The following CSMD1 variants were observed in gnomAD, a reference collection of about 807,000 sequenced individuals.
CSMD1 encodes CUB and Sushi multiple domains 1.
In CSMD1, 213 loss-of-function variants were observed where a neutral mutation model predicts 417.5. That is an observed-to-expected ratio of 0.51 (90% CI 0.46 to 0.57). The LOEUF (loss-of-function observed/expected upper bound fraction) is 0.57, where lower values mean the gene tolerates loss of function less well. Ranked by LOEUF, CSMD1 falls within the 20% of genes least tolerant of loss-of-function variation. CSMD1 has a pLI of 0.00. For synonymous variants in CSMD1, 2,862 were observed against 1,736.8 expected (o/e 1.65, Z -16.11); for missense variants, 6,923 against 4,529.7 (o/e 1.53, Z -15.17).
chr8:4,037,300 T>C (rs1274793805), intron 3 of CSMD1, among the ~76,000 whole-genome samples: 1 of 152,202 alleles, frequency 6.6e-6, no homozygotes, highest in Non-Finnish European at 1.5e-5. Context: ...TTGTCTTACA[T>C]TGTTTTGCTT....
chr8:4,132,269 T>G (rs974420858), intron 3 of CSMD1, among the ~76,000 whole-genome samples: 2 of 151,686 alleles, frequency 1.3e-5, no homozygotes, highest in African/African-American at 4.9e-5. Flanking sequence ...TTATGAAAAT[T>G]TTATCCAAGG....
chr8:4,120,001 A>G (rs1272521532), intron 3 of CSMD1, among the ~76,000 whole-genome samples: 1 of 152,168 alleles, frequency 6.6e-6, no homozygotes, highest in African/African-American at 2.4e-5. Context: ...TGATAGCACA[A>G]TAGGGTGACG....
At position 3,568,548 on chromosome 8, in the gene CSMD1, T is replaced by C. The variant is rs111517748; in HGVS notation, c.1344+6397A>G. ...CACAAGAAGCTCAAATTAGAATCAGTAGCTGAAATTATGTCACCACAGAAT... is the reference window on the plus strand; with the variant it reads ...CACAAGAAGCTCAAATTAGAATCAGCAGCTGAAATTATGTCACCACAGAAT... On this transcript the variant is annotated intron_variant, in intron 10 of 69. Transcript: ENST00000635120. Among the ~76,000 whole-genome samples, 712 of 152,298 alleles carry C rather than the reference T, an allele frequency of 4.7e-3. 6 individuals are homozygous for C. The highest frequency in any genetic ancestry group is 0.016 in the African/African-American group (670 of 41,560).
intron 3 of CSMD1, among the ~76,000 whole-genome samples, chr8:4,326,467 G>C (rs758621821): frequency 6.6e-6 from 1 of 152,154 alleles, no homozygotes; most frequent in Non-Finnish European, 1.5e-5. Context: ...ATATATGCTT[G>C]ACATAAGGAA....
intron 5 of CSMD1, among the ~76,000 whole-genome samples, chr8:3,983,396 C>G (rs1276158662): frequency 6.6e-6 from 1 of 152,058 alleles, no homozygotes; most frequent in Non-Finnish European, 1.5e-5. Context: ...TCCCAAATTG[C>G]TGGGATTACA....
intron 1 of CSMD1, among the ~76,000 whole-genome samples, chr8:4,961,452 T>A (rs567281607): frequency 1.7e-4 from 26 of 152,276 alleles, no homozygotes; most frequent in African/African-American, 5.5e-4. Context: ...TCTAGTTGAT[T>A]TCCTCAATAC....
Position 4,455,929 on chromosome 8 carries a change from C to CAAAAAAAAAAAA in CSMD1, c.303-35876_303-35865dup. On this transcript the variant is annotated intron_variant, in intron 2 of 69. Coordinates refer to ENST00000635120, the MANE Select transcript of CSMD1 (RefSeq NM_033225.6). ...GGGTGACAAAGTGAGACTCCAACTC[C>CAAAAAAAAAAAA]AAAAAAAAAAAAAAAAAAAAAAAAA... Among the ~76,000 whole-genome samples, 60 of 11,644 alleles carry CAAAAAAAAAAAA rather than the reference C, an allele frequency of 5.2e-3. 7 individuals are homozygous for CAAAAAAAAAAAA. Among genetic ancestry groups the CAAAAAAAAAAAA allele is most frequent in the Admixed American group, 9.3e-3 (4 of 432 alleles). 7.6% of individuals were successfully genotyped at this position (11,644 alleles called of 152,430 possible).
intron 3 of CSMD1, among the ~76,000 whole-genome samples, chr8:4,194,237 T>G (rs1799202003): frequency 6.6e-6 from 1 of 152,132 alleles, no homozygotes; most frequent in Admixed American, 6.6e-5. Flanking sequence ...CACTGCTGCT[T>G]TTAACACCAA....
At chr8:3,629,926 G>C (rs186022058) in intron 7 of CSMD1, among the ~76,000 whole-genome samples, 12 of 152,300 alleles carry the variant, frequency 7.9e-5, no homozygotes, top group African/African-American at 2.6e-4. Context: ...TCTTGTCACA[G>C]TGTTTGTTTG....
chr8:3,353,368 T>C (rs987000376), intron 21 of CSMD1, among the ~76,000 whole-genome samples: 1 of 152,352 alleles, frequency 6.6e-6, no homozygotes. Flanking sequence ...ATCTGCTCTC[T>C]AACACTACCC....
intron 12 of CSMD1, among the ~76,000 whole-genome samples, chr8:3,428,102 C>A (rs903516045): frequency 2.0e-5 from 3 of 152,178 alleles, no homozygotes. Context: ...ATTCTTACAG[C>A]ACCTGAAATT....
At chr8:3,170,177 C>A (rs74304339) in intron 37 of CSMD1, among the ~76,000 whole-genome samples, 11 of 152,200 alleles carry the variant, frequency 7.2e-5, no homozygotes, top group Non-Finnish European at 1.0e-4. Flanking sequence ...GCTCATTTTT[C>A]TTTACAACTC....
chr8:3,336,641 T>C (rs1035471945), intron 23 of CSMD1, among the ~76,000 whole-genome samples: 1 of 152,198 alleles, frequency 6.6e-6, no homozygotes. Context: ...TGAGAGCATG[T>C]ACTTCATCAC....
At chr8:3,306,759 T>G (rs938272208) in intron 25 of CSMD1, among the ~76,000 whole-genome samples, 7 of 152,094 alleles carry the variant, frequency 4.6e-5, no homozygotes, top group African/African-American at 1.7e-4. Flanking sequence ...TAAAACTGAT[T>G]TTAAAATTAC....
intron 8 of CSMD1, among the ~76,000 whole-genome samples, chr8:3,592,874 C>T (rs1032881845): frequency 3.3e-5 from 5 of 152,026 alleles, no homozygotes. Context: ...GTAGGTTCTC[C>T]CACTTCCTGC....
intron 51 of CSMD1, among the ~76,000 whole-genome samples, chr8:3,019,611 C>G (rs892192837): frequency 6.6e-6 from 1 of 152,176 alleles, no homozygotes; most frequent in Non-Finnish European, 1.5e-5. Flanking sequence ...CTAAAACGTG[C>G]ATACAAACTA....
chr8:4,376,363 T>C (rs552042469), intron 3 of CSMD1, among the ~76,000 whole-genome samples: 12 of 152,312 alleles, frequency 7.9e-5, no homozygotes, highest in African/African-American at 2.2e-4. Flanking sequence ...CTCTTAGAAA[T>C]ACTTACTGTG....
intron 7 of CSMD1, among the ~76,000 whole-genome samples, chr8:3,646,716 G>A (rs950665178): frequency 6.6e-6 from 1 of 152,046 alleles, no homozygotes; most frequent in Non-Finnish European, 1.5e-5. Flanking sequence ...CAGCGCTTTC[G>A]ACCTGGCTCC....
chr8:3,025,453 C>CTTCTGAAACTGTGTATTGTGTGGTGTTA lies in CSMD1; in HGVS notation c.7855+3838_7855+3865dup, dbSNP rs1554492375. Among the ~76,000 whole-genome samples the CTTCTGAAACTGTGTATTGTGTGGTGTTA allele has an allele frequency of 7.2e-3, 791 of 110,570 alleles. 5 individuals carry two copies. The highest frequency in any genetic ancestry group is 0.011 in the Non-Finnish European group (542 of 50,504). 72.5% of individuals were successfully genotyped at this position (110,570 alleles called of 152,430 possible). A position where few individuals can be genotyped will look rare whatever the true frequency, so the allele number is the denominator to read the frequency against. On this transcript the variant is annotated intron_variant, in intron 51 of 69. Transcript: ENST00000635120. Reference sequence around the variant, plus strand: ...CTGAAACCGTGTATTGTGTGGTGTTCTTCTGAAACTGTGTATTGTGTGGTG... The same window carrying CTTCTGAAACTGTGTATTGTGTGGTGTTA: ...CTGAAACCGTGTATTGTGTGGTGTTCTTCTGAAACTGTGTATTGTGTGGTGTTATTCTGAAACTGTGTATTGTGTGGTG...
Sources: gnomAD v4.1 joint callset for allele counts (sites outside exome capture counted in the v4.1 genomes callset) on GRCh38, gnomAD v4.1.1 for gene constraint, MANE v1.5 for transcripts, NCBI Gene and HGNC (gene_info 2026-07-23, HGNC 2026-07-21) for gene names.